The following HDAC9 variants were observed in gnomAD, a reference collection of about 807,000 sequenced individuals.
HDAC9 encodes histone deacetylase 9, also known as MEF-2 interacting transcription repressor (MITR) protein.
Under a neutral mutation model 139.4 loss-of-function variants are expected in HDAC9, and 41 were observed. The observed-to-expected ratio is 0.29, with a 90% CI of 0.23 to 0.38. HDAC9 has a LOEUF of 0.38. Ranked by LOEUF, HDAC9 falls within the 10% of genes least tolerant of loss-of-function variation. HDAC9 has a pLI of 1.00. For missense variants in HDAC9, 1,147 were observed against 1,297.0 expected (o/e 0.88, Z 1.78); for synonymous variants, 517 against 476.2 (o/e 1.09, Z -1.12).
chr7:18,663,320 T>C (rs1047548205), intron 11 of HDAC9, among the ~76,000 whole-genome samples: 2 of 151,952 alleles, frequency 1.3e-5, no homozygotes, highest in African/African-American at 2.4e-5. Flanking sequence ...TGGCCAGGGA[T>C]TAGGAAGGAG....
rs1554342548 is a variant in HDAC9 at position 18,244,994 on chromosome 7, C to CATCTATCTATCT, written c.25+82664_25+82675dup. ...ATACATCTCTCTATTATCTAATCTG[C>CATCTATCTATCT]ATCTATCTATCTATCTATCTATCTA... On this transcript the variant is annotated intron_variant, in intron 2 of 12. Coordinates refer to the HDAC9 transcript ENST00000417496. 2.5e-3 allele frequency among the ~76,000 whole-genome samples: 364 copies of CATCTATCTATCT among 148,056 alleles called. 2 individuals carry two copies. The highest frequency in any genetic ancestry group is 9.2e-3 in the East Asian group (46 of 4,988).
chr7:18,774,993 A>G (rs1790635076), intron 16 of HDAC9, among the ~76,000 whole-genome samples: 1 of 151,880 alleles, frequency 6.6e-6, no homozygotes, highest in Admixed American at 6.6e-5. Flanking sequence ...CTTAGAGGCT[A>G]TCGTAGGGTT....
At chr7:18,427,143 A>C (rs1016158747) in intron 1 of HDAC9, among the ~76,000 whole-genome samples, 9 of 152,156 alleles carry the variant, frequency 5.9e-5, no homozygotes, top group African/African-American at 1.7e-4. Flanking sequence ...AGGCACAACA[A>C]CACCCTAATA....
chr7:18,876,979 A>G (rs35024729), intron 22 of HDAC9, among the ~76,000 whole-genome samples: 11,023 of 152,060 alleles, frequency 0.072, 1,013 homozygotes, highest in African/African-American at 0.21. Context: ...TGGGATTACA[A>G]GCATGAGCCA....
At chr7:18,558,743 A>C (rs1819649551) in intron 2 of HDAC9, among the ~76,000 whole-genome samples, 1 of 152,246 alleles carries the variant, frequency 6.6e-6, no homozygotes, top group African/African-American at 2.4e-5. Context: ...GATAATTAAA[A>C]GTCATCAAAG....
intron 1 of HDAC9, among the ~76,000 whole-genome samples, chr7:18,100,354 T>C (rs1012419058): frequency 6.6e-6 from 1 of 152,062 alleles, no homozygotes; most frequent in African/African-American, 2.4e-5. Flanking sequence ...TCCATCAAAT[T>C]TGAAAAAAAA....
intron 23 of HDAC9, among the ~76,000 whole-genome samples, chr7:18,947,729 G>A (rs1563078447): frequency 6.6e-6 from 1 of 151,894 alleles, no homozygotes; most frequent in Non-Finnish European, 1.5e-5. Flanking sequence ...ATGGATGGTA[G>A]GAAGAATCCA....
At chr7:18,364,616 AG>A (rs1784035791) in intron 1 of HDAC9, among the ~76,000 whole-genome samples, 1 of 151,972 alleles carries the variant, frequency 6.6e-6, no homozygotes, top group African/African-American at 2.4e-5. Flanking sequence ...TCAGAATCTC[AG>A]GCCCCCAAAG....
rs111697103 is a variant in HDAC9 at position 18,953,364 on chromosome 7, C to T, written c.2938-782C>T. ...TTCTGCTGCAACATGCCAAACTAAT[C>T]ACCACAGCATTCTGAGGGATGTGTT... On this transcript the variant is annotated intron_variant, in intron 23 of 25. Coordinates refer to ENST00000686413, the MANE Select transcript of HDAC9 (RefSeq NM_178425.4). 3.9e-3 allele frequency among the ~76,000 whole-genome samples: 601 copies of T among 152,258 alleles called. 2 individuals carry two copies. The highest frequency in any genetic ancestry group is 6.0e-3 in the Non-Finnish European group (407 of 67,982).
At chr7:18,854,364 ATT>A (rs1307918740) in intron 21 of HDAC9, among the ~76,000 whole-genome samples, 1 of 152,128 alleles carries the variant, frequency 6.6e-6, no homozygotes, top group African/African-American at 2.4e-5. Flanking sequence ...ACTGAATTTT[ATT>A]TTTGCTGTCT....
At chr7:18,499,403 G>C (rs1026004846) in intron 2 of HDAC9, among the ~76,000 whole-genome samples, 4 of 151,942 alleles carry the variant, frequency 2.6e-5, no homozygotes, top group Admixed American at 6.6e-5. Context: ...GTAGAACCAG[G>C]TTCTATAATA....
chr7:18,486,666 A>T (rs997776703), intron 1 of HDAC9, among the ~76,000 whole-genome samples: 3 of 152,140 alleles, frequency 2.0e-5, no homozygotes, highest in East Asian at 1.9e-4. Flanking sequence ...ATTCTCTGGA[A>T]TCTTGAATAT....
intron 1 of HDAC9, among the ~76,000 whole-genome samples, chr7:18,380,365 T>C (rs1785322746): frequency 6.6e-6 from 1 of 152,262 alleles, no homozygotes; most frequent in Non-Finnish European, 1.5e-5. Flanking sequence ...TTGTAGTTTA[T>C]GTACCAAACA....
chr7:18,417,692 A>G (rs901956188), intron 1 of HDAC9, among the ~76,000 whole-genome samples: 2 of 152,132 alleles, frequency 1.3e-5, no homozygotes, highest in Admixed American at 6.6e-5. Flanking sequence ...TACAGTTTCC[A>G]TTATGAAGTT....
chr7:18,822,312 A>G (rs114077702), intron 17 of HDAC9, among the ~76,000 whole-genome samples: 267 of 151,986 alleles, frequency 1.8e-3, no homozygotes, highest in African/African-American at 6.1e-3. Context: ...TTCACTTCAG[A>G]GAGTCCAAGG....
chr7:18,450,742 C>T (rs2128101777), intron 1 of HDAC9, among the ~76,000 whole-genome samples: 1 of 152,200 alleles, frequency 6.6e-6, no homozygotes, highest in East Asian at 1.9e-4. Context: ...ATTGCTAATG[C>T]CAAACTTTTT....
At chr7:18,287,190 A>G (rs1797506324), upstream of HDAC9, among the ~76,000 whole-genome samples, 1 of 152,250 alleles carries the variant, frequency 6.6e-6, no homozygotes. Context: ...AAATGGAAAT[A>G]TATTTTCTAT....
At chr7:18,598,282 C>G (rs553263699) in intron 6 of HDAC9, among the ~76,000 whole-genome samples, 3 of 152,096 alleles carry the variant, frequency 2.0e-5, no homozygotes, top group Admixed American at 6.6e-5. Context: ...TCAAGATTGA[C>G]GAACACTGGA....
At chr7:18,763,428 A>G (rs1292871871) in intron 15 of HDAC9, among the ~76,000 whole-genome samples, 1 of 152,198 alleles carries the variant, frequency 6.6e-6, no homozygotes, top group Admixed American at 6.5e-5. Context: ...GGAATACATA[A>G]AGATTATCCA....
Sources: gnomAD v4.1 joint callset for allele counts (sites outside exome capture counted in the v4.1 genomes callset) on GRCh38, gnomAD v4.1.1 for gene constraint, MANE v1.5 for transcripts, NCBI Gene and HGNC (gene_info 2026-07-23, HGNC 2026-07-21) for gene names.